MAF: variants seen among roughly 807,000 people sequenced by gnomAD.
MAF encodes the protein MAF bZIP transcription factor, also known as transcription factor Maf.
Under a neutral mutation model 22.0 loss-of-function variants are expected in MAF, and 10 were observed. The observed-to-expected ratio is 0.45, with a 90% CI of 0.28 to 0.77. MAF has a LOEUF of 0.77. Ranked by LOEUF, MAF falls within the 30% of genes least tolerant of loss-of-function variation. MAF has a pLI of 0.12. For synonymous variants in MAF, 337 were observed against 255.8 expected, an observed-to-expected ratio of 1.32 and a Z score of -3.03; for missense variants, 544 against 548.4, an observed-to-expected ratio of 0.99 and a Z score of 0.08.
chr16:79,510,408 T>C, the MAF span, among the ~76,000 whole-genome samples: 1 of 152,176 alleles, frequency 6.6e-6, no homozygotes, highest in Non-Finnish European at 1.5e-5. Flanking sequence ...AGGTGTGGTA[T>C]CTCCCCGCAG....
the MAF span, among the ~76,000 whole-genome samples, chr16:79,502,730 T>TAAATATAA: frequency 2.3e-5 from 2 of 86,818 alleles, no homozygotes; most frequent in East Asian, 2.8e-4. Context: ...TATATATATA[T>TAAATATAA]ATATATATAT....
downstream of MAF, chr16:79,585,789 G>A: frequency 1.7e-6 from 1 of 585,678 alleles, no homozygotes; most frequent in South Asian, 2.2e-5. Flanking sequence ...TTCCTTGTTT[G>A]CTTCCTTGCT....
chr16:79,461,388 AC>A, the MAF span, among the ~76,000 whole-genome samples: 1 of 152,246 alleles, frequency 6.6e-6, no homozygotes, highest in African/African-American at 2.4e-5. Flanking sequence ...CCAAGGGACA[AC>A]TTGGGAACCC....
chr16:79,344,007 T>G, the MAF span, among the ~76,000 whole-genome samples: 1 of 152,180 alleles, frequency 6.6e-6, no homozygotes, highest in Admixed American at 6.5e-5. Context: ...GTCCAGTGAG[T>G]GTCATTTGCT....
At chr16:79,427,152 G>A in the MAF span, among the ~76,000 whole-genome samples, 37,022 of 152,086 alleles carry the variant, frequency 0.24, 4,925 homozygotes, top group African/African-American at 0.36. Flanking sequence ...CCACCTTTAT[G>A]CATGTTAAAT....
At chr16:79,574,106 C>T in the MAF span, among the ~76,000 whole-genome samples, 3 of 152,130 alleles carry the variant, frequency 2.0e-5, no homozygotes, top group Non-Finnish European at 2.9e-5. Flanking sequence ...GTTTAGCGTC[C>T]AAGAGGAGAT....
At chr16:79,530,955 G>A in the MAF span, among the ~76,000 whole-genome samples, 1 of 152,168 alleles carries the variant, frequency 6.6e-6, no homozygotes, top group East Asian at 1.9e-4. Context: ...GTGGGGAGAG[G>A]CCCAAAGGGA....
chr16:79,366,770 T>C, the MAF span, among the ~76,000 whole-genome samples: 3 of 152,228 alleles, frequency 2.0e-5, no homozygotes. Flanking sequence ...CCTCTGCTGA[T>C]CCATGATCAG....
At chr16:79,515,790 G>T in the MAF span, among the ~76,000 whole-genome samples, 1 of 152,012 alleles carries the variant, frequency 6.6e-6, no homozygotes, top group Non-Finnish European at 1.5e-5. Flanking sequence ...CAGGAAGGAG[G>T]TCTGAGATCC....
chr16:79,344,056 G>A, the MAF span, among the ~76,000 whole-genome samples: 1 of 152,206 alleles, frequency 6.6e-6, no homozygotes, highest in Non-Finnish European at 1.5e-5. Flanking sequence ...AACTCTGTGA[G>A]CATGACCTTG....
chr16:79,519,795 G>T, the MAF span, among the ~76,000 whole-genome samples: 3 of 152,378 alleles, frequency 2.0e-5, no homozygotes, highest in Non-Finnish European at 2.9e-5. Context: ...TGTTCACAGC[G>T]CAGGTAGCCA....
At chr16:79,597,194 T>C (rs879112144) in intron 1 of MAF, 1 of 1,053,614 alleles carries the variant, frequency 9.5e-7, no homozygotes, top group Admixed American at 5.4e-5. Context: ...CATCAATCGT[T>C]TAAAAAATCT....
the MAF span, among the ~76,000 whole-genome samples, chr16:79,241,883 A>G: frequency 3.0e-3 from 458 of 152,232 alleles, 11 homozygotes; most frequent in Admixed American, 0.023. Context: ...AGTGGGGGCC[A>G]ATATTCAACA....
At chr16:79,293,837 AAG>A in the MAF span, among the ~76,000 whole-genome samples, 11,905 of 147,896 alleles carry the variant, frequency 0.08, 478 homozygotes, top group East Asian at 0.2. Context: ...TCTAAATGAA[AAG>A]AGAGAGAGAG....
At chr16:79,456,956 A>C in the MAF span, among the ~76,000 whole-genome samples, 1 of 152,032 alleles carries the variant, frequency 6.6e-6, no homozygotes, top group Non-Finnish European at 1.5e-5. Flanking sequence ...ACACACACAC[A>C]CACCCTTGGA....
At chr16:79,376,194 T>A in the MAF span, among the ~76,000 whole-genome samples, 2 of 152,168 alleles carry the variant, frequency 1.3e-5, no homozygotes, top group African/African-American at 4.8e-5. Context: ...TTTAGTTTGA[T>A]TAGTTTAGTT....
At chr16:79,271,483 T>A in the MAF span, among the ~76,000 whole-genome samples, 5 of 152,222 alleles carry the variant, frequency 3.3e-5, no homozygotes, top group African/African-American at 1.2e-4. Flanking sequence ...AAAATAAAGA[T>A]GTTGAATTAC....
At chr16:79,379,175 C>T in the MAF span, among the ~76,000 whole-genome samples, 1 of 152,166 alleles carries the variant, frequency 6.6e-6, no homozygotes, top group African/African-American at 2.4e-5. Flanking sequence ...TGTTCTCTTA[C>T]TTGGTAAAGA....
chr16:79,206,259 A>G, the MAF span: 1 of 152,276 alleles, frequency 6.6e-6, no homozygotes, highest in Non-Finnish European at 1.5e-5. Flanking sequence ...GCAGGCAGAG[A>G]GGCATAGGAA....
Sources: gnomAD v4.1 joint callset for allele counts (sites outside exome capture counted in the v4.1 genomes callset) on GRCh38, gnomAD v4.1.1 for gene constraint, MANE v1.5 for transcripts, NCBI Gene and HGNC (gene_info 2026-07-23, HGNC 2026-07-21) for gene names.